OXNAD1: variants seen among roughly 807,000 people sequenced by gnomAD.
OXNAD1 encodes oxidoreductase NAD-binding domain-containing protein 1.
OXNAD1 carries 34 observed loss-of-function variants against 32.9 expected under a neutral mutation model. The observed-to-expected ratio is 1.03, with a 90% confidence interval of 0.79 to 1.38. The LOEUF (loss-of-function observed/expected upper bound fraction) is 1.38, where lower values mean the gene tolerates loss of function less well. Ranked by LOEUF, OXNAD1 falls within the 40% of genes most tolerant of loss-of-function variation. OXNAD1 has a pLI of 0.00. For missense variants in OXNAD1, 407 were observed against 379.4 expected, an observed-to-expected ratio of 1.07 and a Z score of -0.60; for synonymous variants, 134 against 135.2, an observed-to-expected ratio of 0.99 and a Z score of 0.06.
At position 16,317,257 on chromosome 3, in the gene OXNAD1, A is replaced by G. The variant is rs2068508031; in HGVS notation, c.*30+13665A>G. ...ACTAGAAATCAGAAAGGATGGGGAT[A>G]AATAACAAGCCTCCGGGAACCCAGA... On this transcript the variant is annotated intron_variant, in intron 9 of 9. Transcript: ENST00000435829. The surrounding 1 kb of genome is among the most constrained non-coding windows in gnomAD (Gnocchi z 4.3). 11 of 1,607,130 alleles carry G rather than the reference A, an allele frequency of 6.8e-6. 1 individual carries two copies. In the South Asian group the frequency reaches 1.2e-4, roughly 18 times the overall value.
rs1368213347 is a variant in OXNAD1, at chr3:16,304,948, A to C, written c.*1386A>C. The C allele has an allele frequency of 3.3e-5, 5 of 152,128 alleles. No homozygotes were observed. The highest frequency in any genetic ancestry group is 3.3e-4 in the Admixed American group (5 of 15,282). 9.4% of individuals were successfully genotyped at this position (152,128 alleles called of 1,614,324 possible). ...CAGAGATCATTTGTCAACTATTTTG[A>C]TCCCAGATTTGAATTTGGGGAGGAA... is the stretch of plus-strand genomic sequence containing the variant. On this transcript the variant is annotated 3_prime_UTR_variant, in exon 9 of 9. Coordinates refer to ENST00000285083, the MANE Select transcript of OXNAD1 (RefSeq NM_138381.5). This position sits in a 1 kb window ranked among gnomAD's most constrained non-coding sequence, Gnocchi z 4.6.
At chr3:16,306,354 C>A (rs1008410805), downstream of OXNAD1, among the ~76,000 whole-genome samples, 1 of 152,132 alleles carries the variant, frequency 6.6e-6, no homozygotes, top group African/African-American at 2.4e-5. Context: ...CAAGCAAAGC[C>A]TAGCAATTGT....
intron 9 of OXNAD1, among the ~76,000 whole-genome samples, chr3:16,315,241 G>A (rs572088520): frequency 3.9e-5 from 6 of 152,130 alleles, no homozygotes; most frequent in African/African-American, 7.2e-5. Flanking sequence ...TCAGCCTCCC[G>A]AGTAGCTGAG....
rs1659173502 is a variant in OXNAD1 at position 16,320,433 on chromosome 3, T to C, written c.*31-16679T>C. 6.6e-6 allele frequency among the ~76,000 whole-genome samples: 1 copy of C among 152,244 alleles called. No homozygotes were observed. Among genetic ancestry groups the C allele is most frequent in the South Asian group, 2.1e-4 (1 of 4,834 alleles). ...ATGTGTGTCCTCGCTAAGAAGCTGA[T>C]TACTCATTCATTGATTCGACAAGTA... On this transcript the variant is annotated intron_variant, in intron 9 of 9. Transcript: ENST00000435829. The surrounding 1 kb of genome is among the most constrained non-coding windows in gnomAD (Gnocchi z 4.5).
intron 9 of OXNAD1, among the ~76,000 whole-genome samples, chr3:16,323,104 A>C (rs544537458): frequency 6.6e-6 from 1 of 152,274 alleles, no homozygotes; most frequent in South Asian, 2.1e-4. Flanking sequence ...CCTAGTGGGA[A>C]TATCTAGCAG....
intron 9 of OXNAD1, among the ~76,000 whole-genome samples, chr3:16,347,303 G>C (rs1030697993): frequency 2.6e-5 from 4 of 152,318 alleles, no homozygotes; most frequent in South Asian, 2.1e-4. Context: ...CATTTTCTAG[G>C]GGGGGCTATA....
In OXNAD1 at chr3:16,303,381, T is replaced by A; in HGVS notation, c.785-27T>A. ...GCTGATACAACCATGTCTGGCTTAA[T>A]TTGGTGTTTATTCTGGTTTTTGGTA... On this transcript the variant is annotated intron_variant, in intron 8 of 8. Coordinates refer to ENST00000285083, the MANE Select transcript of OXNAD1 (RefSeq NM_138381.5). This position sits in a 1 kb window ranked among gnomAD's most constrained non-coding sequence, Gnocchi z 4.8. 2 of 1,611,432 alleles carry A rather than the reference T, an allele frequency of 1.2e-6. No individual in the cohort carries two copies. The highest frequency in any genetic ancestry group is 2.2e-5 in the South Asian group (2 of 90,814).
At position 16,336,507 on chromosome 3, in the gene OXNAD1, G is replaced by T. The variant is rs559188796; in HGVS notation, c.*31-605G>T. Among the ~76,000 whole-genome samples the T allele has an allele frequency of 7.9e-5, 12 of 152,196 alleles. No homozygotes were observed. Among genetic ancestry groups the T allele is most frequent in the Non-Finnish European group, 1.5e-4 (10 of 68,034 alleles). ...CTCTGCGGGAGGGAGGGACAGGCAC[G>T]CTGGCCGGCTAGAGATGTTGTTTTC... On this transcript the variant is annotated intron_variant, in intron 9 of 9. Transcript: ENST00000435829. The surrounding 1 kb of genome is among the most constrained non-coding windows in gnomAD (Gnocchi z 6.0).
chr3:16,302,953 G>T lies in OXNAD1; in HGVS notation c.784+205G>T, dbSNP rs1392742308. On this transcript the variant is annotated intron_variant, in intron 8 of 8. Transcript: ENST00000285083. This position sits in a 1 kb window ranked among gnomAD's most constrained non-coding sequence, Gnocchi z 4.2. ...GTTTCCTATTGCCTGTGTTAAAAGT[G>T]TACTTTTCACACTTTTTAAGAGGCC... 6.6e-6 allele frequency among the ~76,000 whole-genome samples: 1 copy of T among 152,156 alleles called. No homozygotes were observed. Among genetic ancestry groups the T allele is most frequent in the Admixed American group, 6.5e-5 (1 of 15,278 alleles).
chr3:16,268,782 T>G (rs2064733170), intron 1 of OXNAD1, among the ~76,000 whole-genome samples: 1 of 152,232 alleles, frequency 6.6e-6, no homozygotes, highest in South Asian at 2.1e-4. Context: ...TATTTCCATA[T>G]TTAACAATAT....
chr3:16,275,002 T>C (rs1364160386), intron 4 of OXNAD1: 1 of 152,336 alleles, frequency 6.6e-6, no homozygotes, highest in Non-Finnish European at 1.5e-5. Flanking sequence ...ACATAAAGTT[T>C]GATTTGGCTG....
At chr3:16,333,598 G>GTTAAAT (rs1356750127) in intron 9 of OXNAD1, among the ~76,000 whole-genome samples, 4 of 152,054 alleles carry the variant, frequency 2.6e-5, no homozygotes, top group Non-Finnish European at 5.9e-5. Flanking sequence ...GTGAACACTG[G>GTTAAAT]AAGGCCTTTC....
At chr3:16,286,080 T>G (rs1439104867) in intron 4 of OXNAD1, among the ~76,000 whole-genome samples, 3 of 152,218 alleles carry the variant, frequency 2.0e-5, no homozygotes, top group Non-Finnish European at 4.4e-5. Flanking sequence ...AAATGCCGGT[T>G]AAAAGATCCC....
intron 9 of OXNAD1, chr3:16,326,908 G>C (rs756358353): frequency 1.3e-6 from 2 of 1,540,358 alleles, no homozygotes; most frequent in African/African-American, 1.4e-5. Flanking sequence ...TAGGGCTGCT[G>C]CTGCCACAAG....
rs1471901162 is a variant in OXNAD1 at position 16,290,927 on chromosome 3, C to T, written c.291-3929C>T. On this transcript the variant is annotated intron_variant, in intron 5 of 8. Transcript: ENST00000285083. The surrounding 1 kb of genome is among the most constrained non-coding windows in gnomAD (Gnocchi z 4.2). Reference sequence around the variant, plus strand: ...ATGATACTTTTTGCTCTTGTGATGGCTGTGAAACACCTAGATTGGATGTTT... The same window carrying T: ...ATGATACTTTTTGCTCTTGTGATGGTTGTGAAACACCTAGATTGGATGTTT... Among the ~76,000 whole-genome samples, 2 of 152,110 alleles carry T rather than the reference C, an allele frequency of 1.3e-5. No homozygotes were observed. The highest frequency in any genetic ancestry group is 4.8e-5 in the African/African-American group (2 of 41,406).
At chr3:16,270,100 C>T (rs1369754027) in intron 2 of OXNAD1, among the ~76,000 whole-genome samples, 1 of 152,142 alleles carries the variant, frequency 6.6e-6, no homozygotes, top group Non-Finnish European at 1.5e-5. Flanking sequence ...CTACACAGAT[C>T]CTAAGAGGAC....
At position 16,321,506 on chromosome 3, in the gene OXNAD1, T is replaced by G. The variant is rs2069050529; in HGVS notation, c.*31-15606T>G. On this transcript the variant is annotated intron_variant, in intron 9 of 9. Coordinates refer to the OXNAD1 transcript ENST00000435829. The surrounding 1 kb of genome is among the most constrained non-coding windows in gnomAD (Gnocchi z 4.8). ...ACCAGGGGACACAGGCCTGTGGGAG[T>G]AGGACGCTGACCCTTGTCAGCTGAG... Among the ~76,000 whole-genome samples the G allele has an allele frequency of 6.6e-6, 1 of 151,132 alleles. No homozygotes were observed. Among genetic ancestry groups the G allele is most frequent in the African/African-American group, 2.4e-5 (1 of 40,982 alleles).
At chr3:16,268,346 T>TC (rs2064695394) in intron 1 of OXNAD1, among the ~76,000 whole-genome samples, 1 of 104,484 alleles carries the variant, frequency 9.6e-6, no homozygotes, top group Non-Finnish European at 2.0e-5. Context: ...TTTTTTTTTT[T>TC]GAGACTGAGT....
downstream of OXNAD1, among the ~76,000 whole-genome samples, chr3:16,342,055 A>C (rs1411465074): frequency 6.6e-6 from 1 of 152,166 alleles, no homozygotes; most frequent in Non-Finnish European, 1.5e-5. The surrounding 1 kb of genome is among the most constrained non-coding windows in gnomAD (Gnocchi z 4.0). Context: ...ATATAATTGG[A>C]TATCTTAAAA....
Sources: allele counts gnomAD v4.1 joint callset (sites outside exome capture counted in the v4.1 genomes callset), GRCh38; gene constraint gnomAD v4.1.1; non-coding constraint Gnocchi (gnomAD v3.1); transcripts MANE v1.5; gene names NCBI Gene and HGNC (gene_info 2026-07-23, HGNC 2026-07-21).